The following DNAH9 variants were observed in gnomAD, a reference collection of about 807,000 sequenced individuals.
DNAH9 encodes the protein dynein axonemal heavy chain 9.
DNAH9 carries 345 observed loss-of-function variants against 471.6 expected under a neutral mutation model. The observed-to-expected ratio is 0.73, with a 90% CI of 0.67 to 0.80. The LOEUF (loss-of-function observed/expected upper bound fraction) is 0.80. DNAH9 is among the 30% of genes least tolerant of loss of function. The pLI, the probability that DNAH9 is intolerant of heterozygous loss-of-function variation, is 0.00. For missense variants in DNAH9, 5,407 were observed against 5,609.2 expected (o/e 0.96, Z 1.15); for synonymous variants, 2,093 against 2,123.6 (o/e 0.99, Z 0.40).
At chr17:11,871,496 C>A in intron 51 of DNAH9, 102 bp from the exon 52 acceptor site, 1 of 1,035,938 alleles carries the variant, frequency 9.7e-7, no homozygotes, top group Non-Finnish European at 1.4e-6. Flanking sequence ...TCTGCCTCTT[C>A]CCGCTATGAA....
rs2073027828 is a variant in DNAH9 at position 11,629,477 on chromosome 17, A to C, written c.1411A>C (p.Arg471=). Residue 471 remains arginine (R), a synonymous_variant, in exon 7 of 69, where the codon AGA becomes CGA. Transcript: ENST00000262442. ...GGGAAAGGTGGAGTTCAGCGGCGTC[A>C]GAGGGAATGCTCTGAGTCAGCAGGT... ...KLGKVEFSGV[R]GNALSQQVQQ... 2.5e-6 allele frequency: 4 copies of C among 1,614,190 alleles called. No homozygotes were observed. The highest frequency in any genetic ancestry group is 3.4e-6 in the Non-Finnish European group (4 of 1,180,024).
At chr17:11,691,946 G>A (rs2074339069) in intron 20 of DNAH9, among the ~76,000 whole-genome samples, 1 of 152,176 alleles carries the variant, frequency 6.6e-6, no homozygotes. Context: ...TGGGATTACA[G>A]ATGAGTGCCA....
At chr17:11,934,596 C>T (rs1056789471) in intron 65 of DNAH9, among the ~76,000 whole-genome samples, 3 of 151,262 alleles carry the variant, frequency 2.0e-5, no homozygotes, top group African/African-American at 7.3e-5. Flanking sequence ...CAGGCGCCCG[C>T]CACCAAGCCC....
chr17:11,718,048 G>C (rs2074995744), intron 26 of DNAH9, among the ~76,000 whole-genome samples: 1 of 151,488 alleles, frequency 6.6e-6, no homozygotes, highest in African/African-American at 2.4e-5. Context: ...TCATTTGTGT[G>C]TGTGTGTGTG....
chr17:11,892,280 C>T lies in DNAH9; in HGVS notation c.11283+333C>T, dbSNP rs1284137831. On this transcript the variant is annotated intron_variant, in intron 58 of 68. Coordinates refer to ENST00000262442, the MANE Select transcript of DNAH9 (RefSeq NM_001372.4). The surrounding 1 kb of genome is among the most constrained non-coding windows in gnomAD (Gnocchi z 4.3). ...AAACTAGATGAAACCATACCAATAA[C>T]CAGACGCTTTTTGAAATGCTGTAAG... is the stretch of plus-strand genomic sequence containing the variant. Among the ~76,000 whole-genome samples, 1 of 152,160 alleles carries T rather than the reference C, an allele frequency of 6.6e-6. No individual in the cohort carries two copies. Among genetic ancestry groups the T allele is most frequent in the Non-Finnish European group, 1.5e-5 (1 of 68,032 alleles).
intron 61 of DNAH9, among the ~76,000 whole-genome samples, chr17:11,919,880 TAAG>T (rs1185873863): frequency 6.6e-6 from 1 of 151,344 alleles, no homozygotes; most frequent in Non-Finnish European, 1.5e-5. Flanking sequence ...GGGGAAGAAA[TAAG>T]AAGGTAAAAA....
chr17:11,635,601 G>T (rs759822232), intron 8 of DNAH9, among the ~76,000 whole-genome samples: 1 of 152,138 alleles, frequency 6.6e-6, no homozygotes, highest in Non-Finnish European at 1.5e-5. Flanking sequence ...GCTAGGTGGA[G>T]ATGAGAGGTT....
chr17:11,853,984 C>T lies in DNAH9; in HGVS notation c.9508-19C>T, dbSNP rs745701573. On this transcript the variant is annotated intron_variant, in intron 49 of 68. Coordinates refer to ENST00000262442, the MANE Select transcript of DNAH9 (RefSeq NM_001372.4). Reference sequence around the variant, plus strand: ...AAGCCCATTCATGTTCCCCTAACCACCTCCTTCTCTTTTCCCAGACCAACC... The same window carrying T: ...AAGCCCATTCATGTTCCCCTAACCATCTCCTTCTCTTTTCCCAGACCAACC... 2.5e-6 allele frequency: 4 copies of T among 1,610,196 alleles called. No homozygotes were observed. Among genetic ancestry groups the T allele is most frequent in the Non-Finnish European group, 3.4e-6 (4 of 1,177,578 alleles).
intron 38 of DNAH9, among the ~76,000 whole-genome samples, chr17:11,769,700 C>A (rs1340402224): frequency 6.6e-6 from 1 of 152,166 alleles, no homozygotes; most frequent in African/African-American, 2.4e-5. Flanking sequence ...TTTAATTCAT[C>A]TCTCATATGT....
chr17:11,702,630 A>T (rs1410353391), intron 24 of DNAH9, among the ~76,000 whole-genome samples: 1 of 152,222 alleles, frequency 6.6e-6, no homozygotes, highest in Non-Finnish European at 1.5e-5. Context: ...GAAACCAAGC[A>T]AGAAACTGTT....
intron 59 of DNAH9, among the ~76,000 whole-genome samples, chr17:11,901,002 A>T (rs1567887005): frequency 6.6e-6 from 1 of 152,226 alleles, no homozygotes; most frequent in Non-Finnish European, 1.5e-5. Flanking sequence ...ACATACTAAG[A>T]GGGTATGAGA....
chr17:11,907,208 C>T (rs1270603872), intron 61 of DNAH9, among the ~76,000 whole-genome samples: 4 of 152,056 alleles, frequency 2.6e-5, no homozygotes, highest in Admixed American at 6.5e-5. Flanking sequence ...CGGTGGCTCA[C>T]GCCTGTAATC....
At chr17:11,651,817 T>A (rs2073512839) in intron 13 of DNAH9, among the ~76,000 whole-genome samples, 1 of 152,060 alleles carries the variant, frequency 6.6e-6, no homozygotes, top group Non-Finnish European at 1.5e-5. Context: ...GAGCTCACAT[T>A]TAGTGGGGAC....
At chr17:11,704,537 AGCACT>A in intron 25 of DNAH9, 95 bp downstream of exon 25, 1 of 1,208,410 alleles carries the variant, frequency 8.3e-7, no homozygotes, top group Non-Finnish European at 1.1e-6. Flanking sequence ...GGGTCTGTAC[AGCACT>A]GACCAGACAG....
intron 2 of DNAH9, among the ~76,000 whole-genome samples, 182 bp from the exon 3 acceptor site, chr17:11,610,214 A>G (rs907206850): frequency 7.9e-5 from 12 of 152,064 alleles, no homozygotes; most frequent in Non-Finnish European, 1.8e-4. Context: ...AGGATCTATA[A>G]TTTTCGTTGA....
At position 11,969,392 on chromosome 17, in the gene DNAH9, C is replaced by T. The variant is rs781535672; in HGVS notation, c.13326C>T (p.Cys4442=). The T allele has an allele frequency of 1.2e-6, 2 of 1,614,008 alleles. No individual in the cohort carries two copies. Among genetic ancestry groups the T allele is most frequent in the Non-Finnish European group, 1.7e-6 (2 of 1,179,982 alleles). The change falls in exon 69 of 69, where the codon TGC becomes TGT. Residue 4442 remains cysteine, a synonymous_variant. Coordinates refer to ENST00000262442, the MANE Select transcript of DNAH9 (RefSeq NM_001372.4). Reference sequence around the variant, plus strand: ...CCATTCCTGCAGATAAGCAGGACTGCCGCAGTGTCTATTCCTGTCCTGTGT... The same window carrying T: ...CCATTCCTGCAGATAAGCAGGACTGTCGCAGTGTCTATTCCTGTCCTGTGT... ...IKAIPADKQD[C]RSVYSCPVYK... is the part of the protein sequence containing the mutation.
chr17:11,916,175 T>C (rs1408675938), intron 61 of DNAH9, among the ~76,000 whole-genome samples: 1 of 152,202 alleles, frequency 6.6e-6, no homozygotes, highest in Admixed American at 6.5e-5. Context: ...ATATACCCTG[T>C]TTATGAGCAA....
At chr17:11,817,007 C>T (rs1048510913) in intron 45 of DNAH9, among the ~76,000 whole-genome samples, 2 of 151,744 alleles carry the variant, frequency 1.3e-5, no homozygotes, top group African/African-American at 2.4e-5. Context: ...TGCAGTGAGC[C>T]GAGATCGCGC....
At chr17:11,785,642 A>G (rs1968840883) in intron 41 of DNAH9, among the ~76,000 whole-genome samples, 4 of 152,190 alleles carry the variant, frequency 2.6e-5, no homozygotes, top group Admixed American at 2.6e-4. Context: ...GAACACATCC[A>G]GGCTAGTTCA....
Sources: allele counts gnomAD v4.1 joint callset (sites outside exome capture counted in the v4.1 genomes callset), GRCh38; gene constraint gnomAD v4.1.1; non-coding constraint Gnocchi (gnomAD v3.1); transcripts MANE v1.5; gene names NCBI Gene and HGNC (gene_info 2026-07-23, HGNC 2026-07-21).